CATSPERD: variants seen among roughly 807,000 people sequenced by gnomAD.
The protein encoded by CATSPERD is catsper channel auxiliary subunit delta.
CATSPERD carries 86 observed loss-of-function variants against 98.1 expected under a neutral mutation model. The observed-to-expected ratio is 0.88, with a 90% confidence interval of 0.74 to 1.05. The LOEUF (loss-of-function observed/expected upper bound fraction) is 1.05. Ranked by LOEUF, CATSPERD falls within the 50% of genes least tolerant of loss-of-function variation. The pLI, the probability that CATSPERD is intolerant of heterozygous loss-of-function variation, is 0.00. For synonymous variants in CATSPERD, 394 were observed against 390.2 expected, an observed-to-expected ratio of 1.01 and a Z score of -0.12; for missense variants, 995 against 1,005.7, an observed-to-expected ratio of 0.99 and a Z score of 0.14.
chr19:5,749,059 C>T (rs58136456), intron 10 of CATSPERD, 42 bp from the exon 11 acceptor site: 510,244 of 1,531,500 alleles, frequency 0.33, 90,342 homozygotes, highest in East Asian at 0.7. Flanking sequence ...CAGAAATGAC[C>T]AGCATTTCAA....
chr19:5,771,140 T>C, intron 19 of CATSPERD, 68 bp downstream of exon 19: 1 of 1,534,184 alleles, frequency 6.5e-7, no homozygotes, highest in South Asian at 1.2e-5. Context: ...GGCCCTGGGG[T>C]ACCAGCCTGG....
chr19:5,763,500 A>G (rs2056481665), intron 16 of CATSPERD, among the ~76,000 whole-genome samples: 1 of 152,218 alleles, frequency 6.6e-6, no homozygotes, highest in Admixed American at 6.6e-5. Context: ...GCATGCTTCC[A>G]CATGGATGAA....
At position 5,757,888 on chromosome 19, in the gene CATSPERD, T is replaced by C; in HGVS notation, c.1324T>C (p.Tyr442His). Reference sequence around the variant, plus strand: ...CTCCCTGGGGTTCCAGGCCACCTTCTACGAGAACGGTTACACATCAGATGG... The same window carrying C: ...CTCCCTGGGGTTCCAGGCCACCTTCCACGAGAACGGTTACACATCAGATGG... ...PHSLGFQATF[Y>H]ENGYTSDGNT... Residue 442 changes from tyrosine (Y) to histidine (H), a missense_variant, in exon 14 of 22, where the codon TAC (tyrosine) becomes CAC (histidine). Physicochemically the swap from Tyr to His is moderately conservative, Grantham distance 83 (BLOSUM62 2). Transcript: ENST00000381624. The C allele has an allele frequency of 6.2e-7, 1 of 1,613,518 alleles. No individual in the cohort carries two copies. The highest frequency in any genetic ancestry group is 8.5e-7 in the Non-Finnish European group (1 of 1,179,828).
intron 11 of CATSPERD, among the ~76,000 whole-genome samples, chr19:5,749,454 G>C (rs1426606476): frequency 6.6e-6 from 1 of 152,048 alleles, no homozygotes; most frequent in South Asian, 2.1e-4. Context: ...CAACAACAAC[G>C]ACAACAGAAA....
chr19:5,754,095 G>T (rs201295364), intron 12 of CATSPERD, 37 bp from the exon 13 acceptor site: 5 of 1,404,564 alleles, frequency 3.6e-6, no homozygotes, highest in Non-Finnish European at 5.1e-6. Flanking sequence ...ATGGGAACAG[G>T]AGCATGATTA....
At chr19:5,737,339 T>C (rs1168193512) in intron 6 of CATSPERD, 134 bp downstream of exon 6, 5 of 571,694 alleles carry the variant, frequency 8.7e-6, no homozygotes, top group Non-Finnish European at 1.6e-5. Context: ...GGCAAGAGGA[T>C]TGCTGAAGCC....
intron 7 of CATSPERD, among the ~76,000 whole-genome samples, chr19:5,740,325 C>T (rs1051647784): frequency 2.7e-5 from 4 of 150,692 alleles, no homozygotes; most frequent in Non-Finnish European, 5.9e-5. Context: ...CAGTGGCTCA[C>T]GCCTGTAATT....
At chr19:5,760,766 C>T (rs1031672384) in intron 15 of CATSPERD, among the ~76,000 whole-genome samples, 8 of 151,904 alleles carry the variant, frequency 5.3e-5, no homozygotes, top group Admixed American at 1.3e-4. Flanking sequence ...TGACGGCTCA[C>T]GCCTATAATC....
chr19:5,763,333 A>T (rs1054828130), intron 16 of CATSPERD, 40 bp downstream of exon 16: 1 of 1,539,192 alleles, frequency 6.5e-7, no homozygotes, highest in Non-Finnish European at 9.0e-7. Flanking sequence ...TCGGTGTCAT[A>T]AGTGTTAAGA....
intron 16 of CATSPERD, among the ~76,000 whole-genome samples, chr19:5,765,858 G>A (rs4366824): frequency 0.046 from 6,922 of 152,002 alleles, 459 homozygotes; most frequent in East Asian, 0.35. Flanking sequence ...TCTGGTCTCC[G>A]TGAAGCCACT....
intron 5 of CATSPERD, among the ~76,000 whole-genome samples, chr19:5,736,238 A>G (rs1395172357): frequency 6.6e-6 from 1 of 152,044 alleles, no homozygotes; most frequent in African/African-American, 2.4e-5. Context: ...GTCCCCCAAG[A>G]GGACACTTGG....
At chr19:5,744,378 A>G in intron 7 of CATSPERD, 49 bp from the exon 8 acceptor site, 1 of 1,446,528 alleles carries the variant, frequency 6.9e-7, no homozygotes, top group Non-Finnish European at 9.6e-7. Context: ...CGACAAACAC[A>G]TGTGTATTAA....
rs56411287 is a variant in CATSPERD, at chr19:5,728,038, CAAAA to C, written c.203+708_203+711del. Among the ~76,000 whole-genome samples, 5 of 128,378 alleles carry C rather than the reference CAAAA, an allele frequency of 3.9e-5. No homozygotes were observed. The South Asian group carries it at 7.5e-4, about 19-fold the overall frequency. The allele number at this position is 128,378 out of a possible 152,430, so 84.2% of individuals were successfully genotyped here. On this transcript the variant is annotated intron_variant, in intron 3 of 21. Transcript: ENST00000381624. ...GAATATAGCAAGATCCCAGTATCTA[CAAAA>C]AAAAAAAAAAAAATACAGAAAATTA...
At position 5,739,350 on chromosome 19, in the gene CATSPERD, T is replaced by A; in HGVS notation, c.484T>A (p.Tyr162Asn). ...GCATGTCAGTAATTTGGTTTTTGCA[T>A]ATTTCCGTGGAGATCAGATATCCCA... ...CVHVSNLVFA[Y>N]FRGDQISQTY... Residue 162 changes from tyrosine (Y) to asparagine (N), a missense_variant, in exon 7 of 22, where the codon TAT (tyrosine) becomes AAT (asparagine). By Grantham distance (143) the Tyr-to-Asn change is moderately radical. Transcript: ENST00000381624. 6.3e-7 allele frequency: 1 copy of A among 1,583,160 alleles called. No individual in the cohort carries two copies.
At chr19:5,755,452 T>G (rs997867596) in intron 13 of CATSPERD, among the ~76,000 whole-genome samples, 1 of 152,136 alleles carries the variant, frequency 6.6e-6, no homozygotes, top group African/African-American at 2.4e-5. Flanking sequence ...CTTTCTGTTT[T>G]TCACTATTAG....
At chr19:5,776,354 G>T in intron 21 of CATSPERD, 39 bp downstream of exon 21, 1 of 1,604,994 alleles carries the variant, frequency 6.2e-7, no homozygotes, top group Non-Finnish European at 8.5e-7. Flanking sequence ...GGGGACGCCT[G>T]GTGCCCCTGG....
chr19:5,736,119 C>T (rs1410721863), intron 5 of CATSPERD, among the ~76,000 whole-genome samples: 1 of 151,586 alleles, frequency 6.6e-6, no homozygotes, highest in African/African-American at 2.4e-5. Flanking sequence ...TCCATTTTGG[C>T]CAGGCTGGTC....
At chr19:5,773,270 C>T (rs2056684307) in intron 20 of CATSPERD, among the ~76,000 whole-genome samples, 2 of 152,086 alleles carry the variant, frequency 1.3e-5, no homozygotes, top group South Asian at 4.1e-4. Flanking sequence ...GCCTGGGAGG[C>T]AGAGGTTGCA....
intron 12 of CATSPERD, 25 bp downstream of exon 12, chr19:5,751,848 C>T (rs753916449): frequency 1.3e-6 from 2 of 1,581,116 alleles, no homozygotes; most frequent in Non-Finnish European, 1.7e-6. Context: ...CTGTTTTGAT[C>T]AATGTTCAAT....
Sources: allele counts gnomAD v4.1 joint callset (sites outside exome capture counted in the v4.1 genomes callset), GRCh38; gene constraint gnomAD v4.1.1; transcripts MANE v1.5; gene names NCBI Gene and HGNC (gene_info 2026-07-23, HGNC 2026-07-21).